TMEM132B: variants seen among roughly 807,000 people sequenced by gnomAD.
TMEM132B encodes transmembrane protein 132B.
In TMEM132B, 18 loss-of-function variants were observed where a neutral mutation model predicts 90.8. The observed-to-expected ratio is 0.20, with a 90% confidence interval of 0.14 to 0.29. TMEM132B has a LOEUF of 0.29. Among genes scored for constraint, TMEM132B ranks in the 10% least tolerant of loss-of-function variants. The pLI is 1.00. For synonymous variants in TMEM132B, 504 were observed against 523.3 expected (o/e 0.96, Z 0.50); for missense variants, 1,096 against 1,326.8 (o/e 0.83, Z 2.70).
At chr12:125,627,286 G>A (rs771554141) in intron 5 of TMEM132B, among the ~76,000 whole-genome samples, 35 of 151,990 alleles carry the variant, frequency 2.3e-4, no homozygotes, top group Non-Finnish European at 4.9e-4. Context: ...AATCATATCT[G>A]AGTCTAGTTC....
intron 1 of TMEM132B, among the ~76,000 whole-genome samples, chr12:125,243,210 C>G (rs1394103933): frequency 1.3e-5 from 2 of 151,010 alleles, no homozygotes; most frequent in African/African-American, 4.9e-5. Context: ...GTGGCATGAT[C>G]TTGGCTCACT....
intron 8 of TMEM132B, among the ~76,000 whole-genome samples, chr12:125,652,987 G>C (rs1292164825): frequency 2.6e-5 from 4 of 152,180 alleles, no homozygotes; most frequent in Non-Finnish European, 1.5e-5. Flanking sequence ...AGCTACTTAA[G>C]CATGGCTAAC....
intron 4 of TMEM132B, among the ~76,000 whole-genome samples, chr12:125,578,177 T>A (rs1172646200): frequency 6.6e-6 from 1 of 152,166 alleles, no homozygotes; most frequent in Non-Finnish European, 1.5e-5. Flanking sequence ...CTAGTTGTTC[T>A]GTTAATTACT....
intron 5 of TMEM132B, among the ~76,000 whole-genome samples, chr12:125,636,222 C>A (rs1393589896): frequency 2.0e-5 from 3 of 152,048 alleles, no homozygotes; most frequent in Admixed American, 2.0e-4. Context: ...TCTATTTTAC[C>A]ATCTTGCTTT....
chr12:125,438,525 T>C (rs1319739031), intron 3 of TMEM132B, among the ~76,000 whole-genome samples: 1 of 152,236 alleles, frequency 6.6e-6, no homozygotes, highest in Non-Finnish European at 1.5e-5. Context: ...ATTTCAAGCA[T>C]ACTTAAAACT....
intron 1 of TMEM132B, among the ~76,000 whole-genome samples, chr12:125,232,731 G>A (rs1873855037): frequency 6.6e-6 from 1 of 152,184 alleles, no homozygotes. Flanking sequence ...AAGGACCCAA[G>A]CTTCAAGCTT....
At chr12:125,295,482 G>A (rs1353199807) in intron 1 of TMEM132B, among the ~76,000 whole-genome samples, 1 of 150,352 alleles carries the variant, frequency 6.7e-6, no homozygotes, top group South Asian at 2.1e-4. Context: ...TAGGCCGGCT[G>A]TCTCTCCTCC....
chr12:125,537,215 C>G (rs1270504421), intron 4 of TMEM132B, among the ~76,000 whole-genome samples: 1 of 152,180 alleles, frequency 6.6e-6, no homozygotes, highest in Non-Finnish European at 1.5e-5. Flanking sequence ...CCCACAAATC[C>G]ATGTATAAGT....
intron 3 of TMEM132B, among the ~76,000 whole-genome samples, chr12:125,425,268 G>T (rs527633045): frequency 2.6e-5 from 4 of 152,138 alleles, no homozygotes; most frequent in Non-Finnish European, 5.9e-5. Context: ...CTTGTACAAA[G>T]AATTTTCAAT....
intron 4 of TMEM132B, among the ~76,000 whole-genome samples, chr12:125,549,790 C>T (rs142636686): frequency 3.0e-4 from 45 of 152,238 alleles, no homozygotes; most frequent in Admixed American, 5.2e-4. Context: ...AGTTGTTCAC[C>T]GATCACAGAT....
At chr12:125,350,438 T>C (rs1877532076) in intron 2 of TMEM132B, 95 bp downstream of exon 2, 3 of 1,399,020 alleles carry the variant, frequency 2.1e-6, no homozygotes, top group Non-Finnish European at 1.9e-6. Context: ...ATTTGCTGAC[T>C]ATTGTCAAAA....
intron 3 of TMEM132B, among the ~76,000 whole-genome samples, chr12:125,448,988 A>G (rs985930712): frequency 1.0e-4 from 12 of 116,542 alleles, no homozygotes; most frequent in African/African-American, 3.7e-4. Flanking sequence ...TTTTTTTGAG[A>G]TGGAGTCTCG....
chr12:125,369,576 A>T (rs1878232871), intron 2 of TMEM132B, among the ~76,000 whole-genome samples: 1 of 152,220 alleles, frequency 6.6e-6, no homozygotes, highest in South Asian at 2.1e-4. Flanking sequence ...CAAAGATGAG[A>T]CTTAAAAATG....
In TMEM132B at chr12:125,421,228, C is replaced by T. The variant is rs535187339; in HGVS notation, c.1106+5551C>T. 2.6e-5 allele frequency among the ~76,000 whole-genome samples: 4 copies of T among 152,318 alleles called. No individual in the cohort carries two copies. The East Asian group carries it at 7.7e-4, about 29-fold the overall frequency. On this transcript the variant is annotated intron_variant, in intron 3 of 8. Transcript: ENST00000682704. ...GGTATCTTTATAATAGCACCCCACT[C>T]TACCTGTACCAACTTACTGTATTAG...
Position 125,628,293 on chromosome 12 carries a change from A to G in TMEM132B, c.1438-15783A>G, listed in dbSNP as rs1034548456. Among the ~76,000 whole-genome samples the G allele has an allele frequency of 4.6e-4, 70 of 152,040 alleles. 1 individual carries two copies. Among genetic ancestry groups the G allele is most frequent in the African/African-American group, 1.6e-3 (68 of 41,404 alleles). ...AGTGTACAAGGGTTCCCTTTTCTCT[A>G]TATCCTTGCTAGCATTTGTTATTGC... On this transcript the variant is annotated intron_variant, in intron 5 of 8. Coordinates refer to ENST00000682704, the MANE Select transcript of TMEM132B (RefSeq NM_001366854.1).
chr12:125,476,708 A>G lies in TMEM132B; in HGVS notation c.1107-42731A>G, dbSNP rs74704032. ...CCTAGGCGAAGAATTGCCAGGTCATATGGTAATTCTATGTTTAACTTTTTG... is the reference window on the plus strand; with the variant it reads ...CCTAGGCGAAGAATTGCCAGGTCATGTGGTAATTCTATGTTTAACTTTTTG... On this transcript the variant is annotated intron_variant, in intron 3 of 8. Coordinates refer to ENST00000682704, the MANE Select transcript of TMEM132B (RefSeq NM_001366854.1). Among the ~76,000 whole-genome samples the G allele has an allele frequency of 4.3e-3, 656 of 152,278 alleles. 4 individuals carry two copies. The highest frequency in any genetic ancestry group is 0.018 in the East Asian group (91 of 5,176).
At chr12:125,365,154 G>A (rs1878088833) in intron 2 of TMEM132B, among the ~76,000 whole-genome samples, 2 of 150,676 alleles carry the variant, frequency 1.3e-5, no homozygotes, top group South Asian at 4.2e-4. Context: ...GGCATTATTT[G>A]CATACTTTTA....
At chr12:125,538,189 C>T (rs1411440417) in intron 4 of TMEM132B, among the ~76,000 whole-genome samples, 1 of 152,186 alleles carries the variant, frequency 6.6e-6, no homozygotes, top group African/African-American at 2.4e-5. Flanking sequence ...TGACTCTTCC[C>T]AGGTTATTTA....
At chr12:125,343,901 GTATC>G (rs900420849) in intron 1 of TMEM132B, among the ~76,000 whole-genome samples, 28 of 152,324 alleles carry the variant, frequency 1.8e-4, no homozygotes, top group African/African-American at 6.3e-4. Flanking sequence ...AATAAAAACA[GTATC>G]TATTAACAAC....
Sources: gnomAD v4.1 joint callset for allele counts (sites outside exome capture counted in the v4.1 genomes callset) on GRCh38, gnomAD v4.1.1 for gene constraint, MANE v1.5 for transcripts, NCBI Gene and HGNC (gene_info 2026-07-23, HGNC 2026-07-21) for gene names.